The following CNTNAP2 variants were observed in gnomAD, a reference collection of about 807,000 sequenced individuals.
CNTNAP2 encodes the protein contactin associated protein 2.
In CNTNAP2, 98 loss-of-function variants were observed where a neutral mutation model predicts 155.2. The ratio of observed to expected loss-of-function variants is 0.63; its 90% CI spans 0.54 to 0.75. The LOEUF (loss-of-function observed/expected upper bound fraction) is 0.75. CNTNAP2 is among the 30% of genes least tolerant of loss of function. The pLI, the probability that CNTNAP2 is intolerant of heterozygous loss-of-function variation, is 0.00. For missense variants in CNTNAP2, 1,727 were observed against 1,688.1 expected (o/e 1.02, Z -0.40); for synonymous variants, 651 against 631.2 (o/e 1.03, Z -0.47).
At chr7:146,516,741 C>A (rs1223034174) in intron 1 of CNTNAP2, among the ~76,000 whole-genome samples, 1 of 151,932 alleles carries the variant, frequency 6.6e-6, no homozygotes, top group Non-Finnish European at 1.5e-5. Flanking sequence ...AGATGAAATA[C>A]AAGGTTTATG....
At chr7:147,339,360 G>A (rs1335762441) in intron 9 of CNTNAP2, among the ~76,000 whole-genome samples, 2 of 152,178 alleles carry the variant, frequency 1.3e-5, no homozygotes, top group African/African-American at 4.8e-5. Flanking sequence ...TCCCATAACA[G>A]TAGGTCATTA....
At position 146,971,304 on chromosome 7, in the gene CNTNAP2, T is replaced by G. The variant is rs149656113; in HGVS notation, c.403-72603T>G. ...TAAATGTTGACCTCTGACAGAAGCTTAATTTATCCTAAAGCATTTATTAAA... is the reference window on the plus strand; with the variant it reads ...TAAATGTTGACCTCTGACAGAAGCTGAATTTATCCTAAAGCATTTATTAAA... On this transcript the variant is annotated intron_variant, in intron 3 of 23. Transcript: ENST00000361727. Among the ~76,000 whole-genome samples the G allele has an allele frequency of 2.6e-5, 4 of 152,300 alleles. No homozygotes were observed. The East Asian group carries it at 7.7e-4, about 29-fold the overall frequency.
chr7:146,358,225 G>A (rs1339457526), intron 1 of CNTNAP2, among the ~76,000 whole-genome samples: 2 of 151,892 alleles, frequency 1.3e-5, no homozygotes, highest in Non-Finnish European at 2.9e-5. Context: ...TAGTAGAGAC[G>A]GGGTTTCCCC....
At chr7:147,344,463 C>T (rs1795815129) in intron 9 of CNTNAP2, among the ~76,000 whole-genome samples, 1 of 152,086 alleles carries the variant, frequency 6.6e-6, no homozygotes, top group South Asian at 2.1e-4. Context: ...CAGATTTTAA[C>T]TGCTTCATAA....
chr7:146,840,977 G>A (rs541400326), intron 3 of CNTNAP2, among the ~76,000 whole-genome samples: 1 of 152,322 alleles, frequency 6.6e-6, no homozygotes, highest in African/African-American at 2.4e-5. Flanking sequence ...AAAGCAAGTA[G>A]TGGGAAAAAT....
intron 2 of CNTNAP2, among the ~76,000 whole-genome samples, chr7:146,820,901 C>G (rs1326325531): frequency 6.6e-6 from 1 of 152,084 alleles, no homozygotes; most frequent in Non-Finnish European, 1.5e-5. Context: ...TTGAATTGAT[C>G]CCTTTACCAT....
chr7:148,190,210 T>G (rs183911407), intron 18 of CNTNAP2: 22 of 152,400 alleles, frequency 1.4e-4, no homozygotes, highest in African/African-American at 5.1e-4. Flanking sequence ...GAGTACTGAT[T>G]GCCCAGGAAA....
intron 2 of CNTNAP2, among the ~76,000 whole-genome samples, chr7:146,796,363 C>A (rs762307389): frequency 1.7e-4 from 26 of 152,158 alleles, no homozygotes; most frequent in Admixed American, 3.3e-4. Flanking sequence ...GAGTTCTGGG[C>A]TGGAGTTTTT....
chr7:147,856,594 C>G (rs1368351646), intron 13 of CNTNAP2, among the ~76,000 whole-genome samples: 1 of 149,872 alleles, frequency 6.7e-6, no homozygotes, highest in Non-Finnish European at 1.5e-5. Context: ...TCTGTTGACA[C>G]AAAGAGTGCC....
At chr7:147,364,765 C>T (rs1411134675) in intron 9 of CNTNAP2, among the ~76,000 whole-genome samples, 1 of 151,488 alleles carries the variant, frequency 6.6e-6, no homozygotes, top group African/African-American at 2.4e-5. Context: ...AGGAGAATGG[C>T]GTGAACTCGG....
intron 8 of CNTNAP2, among the ~76,000 whole-genome samples, chr7:147,260,967 T>C (rs1438057482): frequency 5.3e-5 from 8 of 152,194 alleles, no homozygotes; most frequent in Non-Finnish European, 1.0e-4. Context: ...GAGAATTCCA[T>C]TGCAGCTAAG....
chr7:146,318,645 A>G (rs1290354938), intron 1 of CNTNAP2, among the ~76,000 whole-genome samples: 2 of 152,126 alleles, frequency 1.3e-5, no homozygotes, highest in Non-Finnish European at 2.9e-5. Flanking sequence ...TAAAAGAAAC[A>G]GATCTTGTTT....
chr7:148,218,244 T>A (rs191755751), intron 19 of CNTNAP2, among the ~76,000 whole-genome samples: 568 of 152,382 alleles, frequency 3.7e-3, no homozygotes, highest in Non-Finnish European at 6.2e-3. Flanking sequence ...AATTTTATCC[T>A]GATTTATGAT....
intron 13 of CNTNAP2, among the ~76,000 whole-genome samples, chr7:147,824,860 G>C (rs1798422979): frequency 6.6e-6 from 1 of 152,120 alleles, no homozygotes; most frequent in South Asian, 2.1e-4. Context: ...AACAAAAGAA[G>C]TGTGTCACGT....
intron 13 of CNTNAP2, among the ~76,000 whole-genome samples, chr7:147,720,533 C>A (rs1796549438): frequency 6.6e-6 from 1 of 152,078 alleles, no homozygotes; most frequent in African/African-American, 2.4e-5. Flanking sequence ...TGTGTCCCCA[C>A]ACAAATCTCA....
intron 3 of CNTNAP2, among the ~76,000 whole-genome samples, chr7:146,990,874 G>A (rs920095948): frequency 6.6e-6 from 1 of 152,038 alleles, no homozygotes; most frequent in Non-Finnish European, 1.5e-5. Flanking sequence ...TCATAGACAA[G>A]GAGAAAACGG....
At chr7:146,432,894 T>G (rs1310137800) in intron 1 of CNTNAP2, among the ~76,000 whole-genome samples, 2 of 152,136 alleles carry the variant, frequency 1.3e-5, no homozygotes, top group African/African-American at 2.4e-5. Flanking sequence ...GAGTTGTAAG[T>G]GCATTTATTA....
At chr7:146,668,431 T>TGTGTGTGTGTGG (rs1563180603) in intron 1 of CNTNAP2, among the ~76,000 whole-genome samples, 5 of 25,394 alleles carry the variant, frequency 2.0e-4, no homozygotes, top group East Asian at 3.2e-3. Flanking sequence ...AATTTTCCTG[T>TGTGTGTGTGTGG]GTGTGTGTGT....
chr7:146,221,153 A>G (rs1364421643), intron 1 of CNTNAP2, among the ~76,000 whole-genome samples: 4 of 152,148 alleles, frequency 2.6e-5, no homozygotes, highest in African/African-American at 7.2e-5. Context: ...ACCATGAACA[A>G]CTTTAGGATA....
Sources: allele counts gnomAD v4.1 joint callset (sites outside exome capture counted in the v4.1 genomes callset), GRCh38; gene constraint gnomAD v4.1.1; transcripts MANE v1.5; gene names NCBI Gene and HGNC (gene_info 2026-07-23, HGNC 2026-07-21).